Variants in PNPLA1 observed in about 807,000 individuals in gnomAD.
PNPLA1 encodes the protein omega-hydroxyceramide transacylase.
In PNPLA1, 36 loss-of-function variants were observed where a neutral mutation model predicts 51.7. The observed-to-expected ratio is 0.70, with a 90% CI of 0.53 to 0.92. The LOEUF is 0.92. Ranked by LOEUF, PNPLA1 falls within the 40% of genes least tolerant of loss-of-function variation. The pLI is 0.00. For missense variants in PNPLA1, 658 were observed against 682.5 expected (o/e 0.96, Z 0.40); for synonymous variants, 293 against 280.1 (o/e 1.05, Z -0.46).
chr6:36,282,249 G>A (rs150056610), intron 1 of PNPLA1, among the ~76,000 whole-genome samples: 4,349 of 110,878 alleles, frequency 0.039, 95 homozygotes, highest in Middle Eastern at 0.13. Context: ...AAAGAAAGAA[G>A]GAAAGAAAGA....
chr6:36,277,758 G>A (rs1355223784), intron 1 of PNPLA1, among the ~76,000 whole-genome samples: 4 of 152,262 alleles, frequency 2.6e-5, no homozygotes, highest in Admixed American at 2.0e-4. Flanking sequence ...CAGCTACTCA[G>A]GAGGCTGGGG....
At position 36,294,309 on chromosome 6, in the gene PNPLA1, C is replaced by T. The variant is rs778108480; in HGVS notation, c.624C>T (p.Phe208=). 1.2e-6 allele frequency: 2 copies of T among 1,614,234 alleles called. No homozygotes were observed. Among genetic ancestry groups the T allele is most frequent in the Non-Finnish European group, 1.7e-6 (2 of 1,180,052 alleles). The change falls in exon 4 of 9, where the codon TTC becomes TTT. Residue 208 remains phenylalanine (F), a synonymous_variant. Transcript: ENST00000636260. This position sits in a 1 kb window ranked among gnomAD's most constrained non-coding sequence, Gnocchi z 4.2. ...DICPRDCPAI[F]HDFRMFNCSF... ...GTCCCCGGGACTGCCCGGCCATCTT[C>T]CACGACTTCCGCATGTTCAACTGCT...
intron 1 of PNPLA1, among the ~76,000 whole-genome samples, chr6:36,255,506 A>G (rs1366241431): frequency 6.6e-6 from 1 of 152,016 alleles, no homozygotes; most frequent in Non-Finnish European, 1.5e-5. Flanking sequence ...ACTCTGTTTC[A>G]AAAAACAAAA....
chr6:36,287,151 T>G (rs566346694), intron 1 of PNPLA1, among the ~76,000 whole-genome samples: 2 of 152,368 alleles, frequency 1.3e-5, no homozygotes, highest in South Asian at 4.1e-4. Flanking sequence ...TAGCTCTTCC[T>G]TGGGGGCATC....
rs1288516964 is a variant in PNPLA1, at chr6:36,312,149, C to T, written c.*263C>T. ...ACAACTGCTAGAAAACTACAAAGAACATGCACAGACATGCATAAGTCTGCG... is the reference window on the plus strand; with the variant it reads ...ACAACTGCTAGAAAACTACAAAGAATATGCACAGACATGCATAAGTCTGCG... On this transcript the variant is annotated 3_prime_UTR_variant, in exon 9 of 9. Transcript: ENST00000636260. 1 of 152,152 alleles carries T rather than the reference C, an allele frequency of 6.6e-6. No individual in the cohort carries two copies. Among genetic ancestry groups the T allele is most frequent in the Admixed American group, 6.5e-5 (1 of 15,278 alleles). 9.4% of individuals were successfully genotyped at this position (152,152 alleles called of 1,614,324 possible). A position where few individuals can be genotyped will look rare whatever the true frequency, so the allele number is the denominator to read the frequency against.
At chr6:36,293,350 C>T (rs1770750359) in intron 3 of PNPLA1, among the ~76,000 whole-genome samples, 3 of 152,252 alleles carry the variant, frequency 2.0e-5, no homozygotes, top group South Asian at 2.1e-4. Flanking sequence ...ACCCACCTAC[C>T]CACTGCCAAG....
At chr6:36,266,104 A>G (rs189260113), upstream of PNPLA1, among the ~76,000 whole-genome samples, 1 of 152,298 alleles carries the variant, frequency 6.6e-6, no homozygotes. Flanking sequence ...GTCAACATTG[A>G]CCAAGAACTG....
At chr6:36,279,718 G>A (rs982977161) in intron 1 of PNPLA1, among the ~76,000 whole-genome samples, 1 of 152,174 alleles carries the variant, frequency 6.6e-6, no homozygotes, top group Non-Finnish European at 1.5e-5. Flanking sequence ...GGACATTATG[G>A]TGAAAGACAA....
At chr6:36,297,979 C>A (rs1353180305) in intron 5 of PNPLA1, among the ~76,000 whole-genome samples, 3 of 152,130 alleles carry the variant, frequency 2.0e-5, no homozygotes, top group African/African-American at 7.2e-5. Context: ...CCCACCTTCC[C>A]TCACCCCCCG....
In PNPLA1 at chr6:36,312,134, G is replaced by A. The variant is rs940765915; in HGVS notation, c.*248G>A. The A allele has an allele frequency of 1.3e-5, 2 of 152,212 alleles. No individual in the cohort carries two copies. The highest frequency in any genetic ancestry group is 4.8e-5 in the African/African-American group (2 of 41,448). 9.4% of individuals were successfully genotyped at this position (152,212 alleles called of 1,614,324 possible). The stretch of plus-strand genomic sequence containing the variant: ...CAAGACACTTGACTGACAACTGCTA[G>A]AAAACTACAAAGAACATGCACAGAC... On this transcript the variant is annotated 3_prime_UTR_variant, in exon 9 of 9. Coordinates refer to ENST00000636260, the MANE Select transcript of PNPLA1 (RefSeq NM_001374623.1).
At chr6:36,307,896 G>C (rs1771292342) in intron 8 of PNPLA1, 184 bp downstream of exon 8, 6 of 676,452 alleles carry the variant, frequency 8.9e-6, no homozygotes, top group Non-Finnish European at 8.9e-6. Context: ...CAGGGATCAT[G>C]GTTGGGACAC....
chr6:36,259,722 T>G (rs186514467), intron 1 of PNPLA1, among the ~76,000 whole-genome samples: 39 of 152,058 alleles, frequency 2.6e-4, no homozygotes, highest in Non-Finnish European at 5.4e-4. Flanking sequence ...CCTACACAAA[T>G]TAACTCAGGA....
chr6:36,290,186 C>A (rs555497778), intron 1 of PNPLA1, among the ~76,000 whole-genome samples: 1 of 152,304 alleles, frequency 6.6e-6, no homozygotes, highest in African/African-American at 2.4e-5. Flanking sequence ...TGACACTAAC[C>A]ATAAGAAAGT....
At chr6:36,260,840 G>A (rs1769631656) in intron 1 of PNPLA1, among the ~76,000 whole-genome samples, 1 of 152,144 alleles carries the variant, frequency 6.6e-6, no homozygotes, top group African/African-American at 2.4e-5. Flanking sequence ...GGGGCAGGGA[G>A]GAGGGTGCGG....
intron 1 of PNPLA1, among the ~76,000 whole-genome samples, chr6:36,255,201 T>C (rs1231800572): frequency 1.3e-5 from 2 of 151,116 alleles, no homozygotes; most frequent in East Asian, 3.9e-4. Context: ...ATCCCTTCTC[T>C]ACTAAAAAAA....
upstream of PNPLA1, among the ~76,000 whole-genome samples, chr6:36,266,597 G>T (rs1030955292): frequency 1.3e-5 from 2 of 152,194 alleles, no homozygotes; most frequent in African/African-American, 2.4e-5. Context: ...GTGAGCTCAT[G>T]ATTCACCCTT....
At chr6:36,275,631 T>C (rs1770066526) in intron 1 of PNPLA1, among the ~76,000 whole-genome samples, 1 of 152,226 alleles carries the variant, frequency 6.6e-6, no homozygotes, top group Non-Finnish European at 1.5e-5. Flanking sequence ...CTAATTTGTC[T>C]ATTTCTGTTT....
At chr6:36,306,516 C>A (rs935871936) in intron 7 of PNPLA1, 140 bp downstream of exon 7, 2 of 739,356 alleles carry the variant, frequency 2.7e-6, no homozygotes, top group Admixed American at 2.8e-5. Flanking sequence ...GATTCCAGGT[C>A]CACCCCTTTA....
At chr6:36,266,669 G>A (rs1316952883), upstream of PNPLA1, among the ~76,000 whole-genome samples, 2 of 152,184 alleles carry the variant, frequency 1.3e-5, no homozygotes, top group Non-Finnish European at 2.9e-5. Context: ...GGAGTAAGTG[G>A]GCCGCAGATG....
Sources: allele counts gnomAD v4.1 joint callset (sites outside exome capture counted in the v4.1 genomes callset), GRCh38; gene constraint gnomAD v4.1.1; non-coding constraint Gnocchi (gnomAD v3.1); transcripts MANE v1.5; gene names NCBI Gene and HGNC (gene_info 2026-07-23, HGNC 2026-07-21).